GMDS: variants seen among roughly 807,000 people sequenced by gnomAD.
GMDS encodes GDP-mannose 4,6-dehydratase.
GMDS carries 20 observed loss-of-function variants against 49.9 expected under a neutral mutation model. That is an observed-to-expected ratio of 0.40 (90% CI 0.28 to 0.58). The LOEUF is 0.58. GMDS is among the 20% of genes least tolerant of loss of function. The pLI is 0.42. For synonymous variants in GMDS, 177 were observed against 178.6 expected, an observed-to-expected ratio of 0.99 and a Z score of 0.07; for missense variants, 362 against 481.4, an observed-to-expected ratio of 0.75 and a Z score of 2.32.
intron 4 of GMDS, among the ~76,000 whole-genome samples, chr6:1,997,909 G>T (rs2127374940): frequency 6.6e-6 from 1 of 152,288 alleles, no homozygotes; most frequent in South Asian, 2.1e-4. Flanking sequence ...GTAGGCAGGG[G>T]AAACGGCCTT....
At chr6:1,966,514 C>T (rs1764267880) in intron 4 of GMDS, among the ~76,000 whole-genome samples, 1 of 152,140 alleles carries the variant, frequency 6.6e-6, no homozygotes, top group African/African-American at 2.4e-5. Flanking sequence ...CTTTCTTGTG[C>T]CAGTGCCTGC....
At chr6:1,839,377 C>T (rs575857463) in intron 7 of GMDS, among the ~76,000 whole-genome samples, 1 of 152,304 alleles carries the variant, frequency 6.6e-6, no homozygotes, top group South Asian at 2.1e-4. Context: ...AAACCACCTA[C>T]AATTACTAGC....
chr6:2,180,665 A>C (rs1007824050), intron 1 of GMDS, among the ~76,000 whole-genome samples: 1 of 152,200 alleles, frequency 6.6e-6, no homozygotes, highest in Non-Finnish European at 1.5e-5. Flanking sequence ...ATAAATACAG[A>C]GCAAGATGTC....
intron 7 of GMDS, among the ~76,000 whole-genome samples, chr6:1,874,104 G>A (rs1328576472): frequency 6.6e-6 from 1 of 152,176 alleles, no homozygotes; most frequent in Non-Finnish European, 1.5e-5. Flanking sequence ...CCACCCCACG[G>A]GGACTGCACG....
intron 7 of GMDS, among the ~76,000 whole-genome samples, chr6:1,845,038 T>G (rs544675006): frequency 6.6e-6 from 1 of 152,340 alleles, no homozygotes; most frequent in South Asian, 2.1e-4. Flanking sequence ...TCATGTACTC[T>G]TAATATTTTT....
In GMDS at chr6:2,245,319, A is replaced by ACC; in HGVS notation, c.102_102+1dup. ...CCGGCGCGCCCCCGCCCCCGCACTC[A>ACC]CCTGGCCTGTGATACCGGTGATGAG... On this transcript the variant is annotated splice_donor_variant, in intron 1 of 10. Coordinates refer to ENST00000380815, the MANE Select transcript of GMDS (RefSeq NM_001500.4). LOFTEE classifies it high-confidence loss of function. 1 of 1,537,488 alleles carries ACC rather than the reference A, an allele frequency of 6.5e-7. No individual in the cohort carries two copies. Among genetic ancestry groups the ACC allele is most frequent in the Non-Finnish European group, 8.7e-7 (1 of 1,144,410 alleles).
intron 9 of GMDS, 78 bp from the exon 10 acceptor site, chr6:1,624,618 C>A: frequency 1.0e-6 from 1 of 988,458 alleles, no homozygotes; most frequent in Non-Finnish European, 1.6e-6. Flanking sequence ...CCGGGAACTC[C>A]CACCGTTCCG....
chr6:2,110,907 T>TA (rs1264461039), intron 4 of GMDS, among the ~76,000 whole-genome samples: 2 of 151,812 alleles, frequency 1.3e-5, no homozygotes, highest in African/African-American at 2.4e-5. Flanking sequence ...TTTTCAAAAC[T>TA]AAAAAAAAGA....
At chr6:1,892,551 G>T (rs1759921877) in intron 7 of GMDS, among the ~76,000 whole-genome samples, 1 of 151,990 alleles carries the variant, frequency 6.6e-6, no homozygotes, top group African/African-American at 2.4e-5. Context: ...TAGAAATGGG[G>T]TTTCACCACA....
chr6:1,921,013 C>A (rs892190308), intron 7 of GMDS, among the ~76,000 whole-genome samples: 1 of 152,100 alleles, frequency 6.6e-6, no homozygotes, highest in Non-Finnish European at 1.5e-5. Context: ...CATCAATGAG[C>A]GTGACTAAAG....
At chr6:1,936,957 ACT>A (rs1762581667) in intron 6 of GMDS, among the ~76,000 whole-genome samples, 1 of 133,528 alleles carries the variant, frequency 7.5e-6, no homozygotes, top group Non-Finnish European at 1.6e-5. Context: ...ACAGAGTGAG[ACT>A]CTGTCTCAAA....
At chr6:1,797,443 T>A (rs1463367838) in intron 7 of GMDS, among the ~76,000 whole-genome samples, 1 of 152,226 alleles carries the variant, frequency 6.6e-6, no homozygotes. Context: ...ATGCTGACTT[T>A]CTATGAAACT....
intron 7 of GMDS, among the ~76,000 whole-genome samples, chr6:1,790,718 G>A (rs1259835407): frequency 6.6e-6 from 1 of 152,124 alleles, no homozygotes; most frequent in East Asian, 1.9e-4. Flanking sequence ...ATATCCACAT[G>A]TACCGAGGAA....
intron 1 of GMDS, among the ~76,000 whole-genome samples, chr6:2,230,814 T>C (rs2127594903): frequency 6.6e-6 from 1 of 151,984 alleles, no homozygotes; most frequent in South Asian, 2.1e-4. Flanking sequence ...TATTTAAATG[T>C]AGAAAAGCAA....
At chr6:1,852,459 A>G (rs1232147139) in intron 7 of GMDS, among the ~76,000 whole-genome samples, 2 of 152,228 alleles carry the variant, frequency 1.3e-5, no homozygotes, top group Non-Finnish European at 2.9e-5. Context: ...TTTCCATTGT[A>G]GGCACAGTGA....
chr6:2,075,342 A>G (rs1772268829), intron 4 of GMDS, among the ~76,000 whole-genome samples: 1 of 151,984 alleles, frequency 6.6e-6, no homozygotes. Flanking sequence ...ACATATGTAT[A>G]CATGTGCCAT....
At chr6:1,632,339 T>A (rs1002455528) in intron 9 of GMDS, among the ~76,000 whole-genome samples, 1 of 152,158 alleles carries the variant, frequency 6.6e-6, no homozygotes, top group African/African-American at 2.4e-5. Flanking sequence ...GAAGAGTCCA[T>A]ATTGTACATA....
At chr6:2,218,549 T>C (rs1392189021) in intron 1 of GMDS, among the ~76,000 whole-genome samples, 1 of 152,230 alleles carries the variant, frequency 6.6e-6, no homozygotes, top group Non-Finnish European at 1.5e-5. Context: ...TTTGCAAATA[T>C]ACTATGATAC....
intron 4 of GMDS, among the ~76,000 whole-genome samples, chr6:1,980,434 A>T (rs201566202): frequency 3.0e-5 from 1 of 33,212 alleles, no homozygotes; most frequent in Non-Finnish European, 1.0e-4. Context: ...ACAAAGATTA[A>T]AAAAAAAAAA....
Sources: allele counts gnomAD v4.1 joint callset (sites outside exome capture counted in the v4.1 genomes callset), GRCh38; gene constraint gnomAD v4.1.1; transcripts MANE v1.5; gene names NCBI Gene and HGNC (gene_info 2026-07-23, HGNC 2026-07-21).